The following GPR149 variants were observed in gnomAD, a reference collection of about 807,000 sequenced individuals.
GPR149 encodes G protein-coupled receptor 149.
A neutral mutation model predicts 50.2 loss-of-function variants in GPR149; 50 were observed. The observed-to-expected ratio is 1.00, with a 90% confidence interval of 0.79 to 1.26. The LOEUF is 1.26. Ranked by LOEUF, GPR149 falls within the 50% of genes most tolerant of loss-of-function variation. The pLI is 0.00. For missense variants in GPR149, 983 were observed against 895.4 expected (o/e 1.10, Z -1.25); for synonymous variants, 405 against 358.2 (o/e 1.13, Z -1.48).
chr3:154,421,489 T>C lies in GPR149; in HGVS notation c.1175-2A>G, dbSNP rs1238474258. 5 of 1,508,568 alleles carry C rather than the reference T, an allele frequency of 3.3e-6. No homozygotes were observed. Among genetic ancestry groups the C allele is most frequent in the Non-Finnish European group, 4.5e-6 (5 of 1,120,652 alleles). 93.4% of individuals were successfully genotyped at this position (1,508,568 alleles called of 1,614,324 possible). On this transcript the variant is annotated splice_acceptor_variant, in intron 2 of 3. Transcript: ENST00000389740. LOFTEE classifies it high-confidence loss of function. ...TGAATTCAAAGCCTTTTCTCTTGAC[T>C]GAGTAAAAATAAAAACAACAGTTTA...
rs138135706 is a variant in GPR149 at position 154,372,377 on chromosome 3, G to A, written c.1624-34106C>T. Among the ~76,000 whole-genome samples the A allele has an allele frequency of 1.3e-3, 192 of 151,968 alleles. 3 individuals carry two copies. The South Asian group carries it at 0.02, about 16-fold the overall frequency. On this transcript the variant is annotated intron_variant, in intron 3 of 3. Coordinates refer to ENST00000389740, the MANE Select transcript of GPR149 (RefSeq NM_001038705.3). ...TGTCCTCGCTCCCTCTCTCCCTTCCGCCCTCCAAAACTAAAAGGAATGTTA... is the reference window on the plus strand; with the variant it reads ...TGTCCTCGCTCCCTCTCTCCCTTCCACCCTCCAAAACTAAAAGGAATGTTA...
chr3:154,390,614 A>C (rs1449919933), intron 3 of GPR149, among the ~76,000 whole-genome samples: 1 of 152,128 alleles, frequency 6.6e-6, no homozygotes, highest in East Asian at 1.9e-4. Flanking sequence ...GAGTGTAAGA[A>C]GAAGGAGAAA....
intron 3 of GPR149, among the ~76,000 whole-genome samples, chr3:154,381,759 G>A (rs1414647306): frequency 6.6e-6 from 1 of 152,094 alleles, no homozygotes; most frequent in Non-Finnish European, 1.5e-5. Context: ...TTTGAAGTCT[G>A]TTTATGAAAG....
At chr3:154,358,558 A>G (rs1222130738) in intron 3 of GPR149, among the ~76,000 whole-genome samples, 1 of 152,198 alleles carries the variant, frequency 6.6e-6, no homozygotes, top group Non-Finnish European at 1.5e-5. Context: ...TTGTTGAAGG[A>G]ATATTTTTAT....
intron 3 of GPR149, among the ~76,000 whole-genome samples, chr3:154,375,368 T>G (rs911628556): frequency 6.6e-6 from 1 of 152,202 alleles, no homozygotes; most frequent in Non-Finnish European, 1.5e-5. Flanking sequence ...ACCATCATCA[T>G]AGCCTATCAC....
At chr3:154,386,676 A>G (rs1440691574) in intron 3 of GPR149, among the ~76,000 whole-genome samples, 1 of 152,206 alleles carries the variant, frequency 6.6e-6, no homozygotes, top group Non-Finnish European at 1.5e-5. Flanking sequence ...ACTGTGTTCT[A>G]TGGACAAGCT....
chr3:154,384,851 G>T (rs1715012448), intron 3 of GPR149, among the ~76,000 whole-genome samples: 1 of 152,138 alleles, frequency 6.6e-6, no homozygotes, highest in Non-Finnish European at 1.5e-5. Context: ...CACTGTTTTT[G>T]GCTATGGCAC....
intron 3 of GPR149, among the ~76,000 whole-genome samples, chr3:154,393,497 G>A (rs1207010478): frequency 6.6e-6 from 1 of 151,954 alleles, no homozygotes; most frequent in Admixed American, 6.6e-5. Context: ...GCTTTTAAAA[G>A]TGTTTTCTTT....
intron 2 of GPR149, among the ~76,000 whole-genome samples, chr3:154,427,311 G>GGT (rs1396425364): frequency 6.6e-6 from 1 of 151,796 alleles, no homozygotes; most frequent in African/African-American, 2.4e-5. Context: ...GCACTTCATG[G>GGT]GGTTTTTCAA....
intron 3 of GPR149, among the ~76,000 whole-genome samples, chr3:154,342,339 A>G (rs943305146): frequency 6.6e-6 from 1 of 152,248 alleles, no homozygotes; most frequent in South Asian, 2.1e-4. Context: ...GGAAAAGGGA[A>G]GTGGGCAAAA....
intron 3 of GPR149, among the ~76,000 whole-genome samples, chr3:154,413,944 A>G (rs1047901522): frequency 4.6e-4 from 65 of 142,480 alleles, no homozygotes; most frequent in African/African-American, 1.8e-3. Flanking sequence ...AAATTGTAGT[A>G]TATATATATA....
At chr3:154,408,083 A>G (rs1711743873) in intron 3 of GPR149, among the ~76,000 whole-genome samples, 1 of 152,218 alleles carries the variant, frequency 6.6e-6, no homozygotes, top group Admixed American at 6.5e-5. Context: ...CTGTGAATCC[A>G]TACTGATATA....
intron 2 of GPR149, among the ~76,000 whole-genome samples, chr3:154,423,105 G>A (rs1486784012): frequency 6.6e-6 from 1 of 151,812 alleles, no homozygotes; most frequent in African/African-American, 2.4e-5. Context: ...TGCAGAATGT[G>A]TTAAAGGAGA....
At chr3:154,373,857 A>C (rs960799047) in intron 3 of GPR149, among the ~76,000 whole-genome samples, 36 of 152,218 alleles carry the variant, frequency 2.4e-4, no homozygotes. Flanking sequence ...ATGATTGTTC[A>C]TTGCTGTATT....
intron 3 of GPR149, among the ~76,000 whole-genome samples, chr3:154,381,552 A>C (rs538965387): frequency 6.6e-6 from 1 of 152,080 alleles, no homozygotes; most frequent in Non-Finnish European, 1.5e-5. Flanking sequence ...TTTAGGATTT[A>C]GTTTTTTTAT....
At chr3:154,418,239 T>C (rs1712042856) in intron 3 of GPR149, among the ~76,000 whole-genome samples, 1 of 110,054 alleles carries the variant, frequency 9.1e-6, no homozygotes, top group Non-Finnish European at 1.8e-5. Flanking sequence ...AGTTCAACCA[T>C]TGTGGAAGTC....
intron 3 of GPR149, chr3:154,353,947 G>A: frequency 6.0e-6 from 3 of 500,056 alleles, no homozygotes; most frequent in South Asian, 4.0e-5. Context: ...CACATGTTAA[G>A]GTCTCCTCTA....
chr3:154,420,797 C>A (rs555240419), intron 3 of GPR149, among the ~76,000 whole-genome samples: 1 of 152,000 alleles, frequency 6.6e-6, no homozygotes, highest in Non-Finnish European at 1.5e-5. Flanking sequence ...ATTCCCTACC[C>A]TTCTTAAAGA....
chr3:154,384,920 T>C (rs1251475683), intron 3 of GPR149, among the ~76,000 whole-genome samples: 4 of 152,250 alleles, frequency 2.6e-5, no homozygotes, highest in African/African-American at 9.6e-5. Flanking sequence ...TACGAATCAT[T>C]GCTGCCTCCT....
Sources: allele counts gnomAD v4.1 joint callset (sites outside exome capture counted in the v4.1 genomes callset), GRCh38; gene constraint gnomAD v4.1.1; transcripts MANE v1.5; gene names NCBI Gene and HGNC (gene_info 2026-07-23, HGNC 2026-07-21).